The following KAT6B variants were observed in gnomAD, a reference collection of about 807,000 sequenced individuals.
The protein encoded by KAT6B is lysine acetyltransferase 6B.
KAT6B carries 10 observed loss-of-function variants against 187.5 expected under a neutral mutation model. The observed-to-expected ratio is 0.05, with a 90% CI of 0.03 to 0.09. The LOEUF (loss-of-function observed/expected upper bound fraction) is 0.09, where lower values mean the gene tolerates loss of function less well. Among genes scored for constraint, KAT6B ranks in the 10% least tolerant of loss-of-function variants. The pLI, the probability that KAT6B is intolerant of heterozygous loss-of-function variation, is 1.00. For synonymous variants in KAT6B, 861 were observed against 926.8 expected (o/e 0.93, Z 1.29); for missense variants, 1,952 against 2,558.9 (o/e 0.76, Z 5.12).
chr10:74,949,560 C>T (rs1167054197), intron 3 of KAT6B, among the ~76,000 whole-genome samples: 1 of 152,208 alleles, frequency 6.6e-6, no homozygotes, highest in Non-Finnish European at 1.5e-5. Context: ...TTATAAATGG[C>T]ACACCTGCCT....
intron 1 of KAT6B, chr10:74,827,209 GA>G (rs1840333260): frequency 6.5e-6 from 1 of 152,974 alleles, no homozygotes; most frequent in Non-Finnish European, 1.5e-5. Context: ...TGCAGAGGGA[GA>G]GTTAGGGAGG....
At chr10:74,995,556 G>T (rs1843371454) in intron 13 of KAT6B, among the ~76,000 whole-genome samples, 1 of 152,104 alleles carries the variant, frequency 6.6e-6, no homozygotes, top group South Asian at 2.1e-4. Flanking sequence ...AGATAGATGT[G>T]CATTTTTCTA....
At chr10:74,983,295 T>C (rs2133813199) in intron 11 of KAT6B, 1 of 153,038 alleles carries the variant, frequency 6.5e-6, no homozygotes, top group Middle Eastern at 3.3e-3. Context: ...CCCCTTCCAG[T>C]TGTGCCAACC....
chr10:74,831,646 A>T (rs1337903052), intron 1 of KAT6B, among the ~76,000 whole-genome samples: 1 of 152,166 alleles, frequency 6.6e-6, no homozygotes, highest in East Asian at 1.9e-4. Flanking sequence ...GTTCAGCCAG[A>T]TTAGATTTTA....
chr10:74,847,043 T>A (rs1842158995), intron 3 of KAT6B, among the ~76,000 whole-genome samples: 1 of 152,212 alleles, frequency 6.6e-6, no homozygotes, highest in Non-Finnish European at 1.5e-5. Flanking sequence ...CTTGCCAACC[T>A]TATCATATTT....
intron 3 of KAT6B, among the ~76,000 whole-genome samples, chr10:74,954,142 C>G (rs1840508725): frequency 6.6e-6 from 1 of 152,152 alleles, no homozygotes; most frequent in Admixed American, 6.5e-5. Context: ...CTGTTGTGTC[C>G]TCAGCATCCT....
chr10:74,937,137 A>C (rs965954298), intron 3 of KAT6B, among the ~76,000 whole-genome samples: 1 of 152,228 alleles, frequency 6.6e-6, no homozygotes. Flanking sequence ...GCAGTGAGTT[A>C]AAGTGCCCCT....
Position 74,961,290 on chromosome 10 carries a change from G to A in KAT6B, c.730+1212G>A, listed in dbSNP as rs143630423. On this transcript the variant is annotated intron_variant, in intron 4 of 17. Transcript: ENST00000287239. Reference sequence around the variant, plus strand: ...CTCACTCATCAGTTCTGACTCTGTCGTTATCTTTTGGGTTTTCTCACGAGG... The same window carrying A: ...CTCACTCATCAGTTCTGACTCTGTCATTATCTTTTGGGTTTTCTCACGAGG... 3.0e-3 allele frequency among the ~76,000 whole-genome samples: 450 copies of A among 152,202 alleles called. 3 individuals carry two copies. Among genetic ancestry groups the A allele is most frequent in the African/African-American group, 0.01 (430 of 41,528 alleles).
At chr10:75,014,501 G>A (rs117601408) in intron 13 of KAT6B, among the ~76,000 whole-genome samples, 140 of 152,006 alleles carry the variant, frequency 9.2e-4, no homozygotes, top group Non-Finnish European at 1.6e-3. Flanking sequence ...TGGGTTTATC[G>A]TTATCTTTTA....
intron 13 of KAT6B, among the ~76,000 whole-genome samples, chr10:74,999,910 C>CA (rs1843710432): frequency 1.3e-5 from 2 of 152,360 alleles, no homozygotes; most frequent in African/African-American, 4.8e-5. Context: ...CGTAGCGTCT[C>CA]ACGCCTGTAA....
intron 1 of KAT6B, among the ~76,000 whole-genome samples, chr10:74,835,900 G>A (rs1347778258): frequency 6.6e-6 from 1 of 152,130 alleles, no homozygotes; most frequent in African/African-American, 2.4e-5. Context: ...TACATTCAGT[G>A]TTGTGTCACC....
intron 13 of KAT6B, among the ~76,000 whole-genome samples, chr10:74,997,161 A>G (rs1843491252): frequency 1.3e-5 from 2 of 152,026 alleles, no homozygotes; most frequent in Admixed American, 6.6e-5. Flanking sequence ...CAGGAGTTCA[A>G]CACCAGCCTG....
At chr10:75,025,443 A>C in intron 17 of KAT6B, 194 bp downstream of exon 17, 1 of 580,102 alleles carries the variant, frequency 1.7e-6, no homozygotes, top group Non-Finnish European at 3.0e-6. Flanking sequence ...TTTTATGTTA[A>C]ACAACTTCTA....
At chr10:74,933,838 A>G (rs1289137409) in intron 3 of KAT6B, among the ~76,000 whole-genome samples, 2 of 152,136 alleles carry the variant, frequency 1.3e-5, no homozygotes, top group East Asian at 3.8e-4. Context: ...CCTAAGTACT[A>G]ATAAAAATTT....
At chr10:75,019,923 AGGAGCAAT>A (rs1845263912) in intron 13 of KAT6B, among the ~76,000 whole-genome samples, 1 of 152,182 alleles carries the variant, frequency 6.6e-6, no homozygotes, top group African/African-American at 2.4e-5. Flanking sequence ...CTTAATTTGT[AGGAGCAAT>A]ATTCTGGGAT....
intron 13 of KAT6B, among the ~76,000 whole-genome samples, chr10:75,009,380 G>A (rs1346672329): frequency 1.3e-5 from 2 of 152,146 alleles, no homozygotes; most frequent in Non-Finnish European, 2.9e-5. Flanking sequence ...GCACTCAACT[G>A]TTGGACATAG....
At chr10:74,988,901 C>A in intron 12 of KAT6B, 118 bp from the exon 13 acceptor site, 78 of 742,210 alleles carry the variant, frequency 1.1e-4, no homozygotes, top group Non-Finnish European at 1.1e-4. Context: ...TCTGCTTGAT[C>A]CTGACCTAAC....
chr10:75,007,079 A>G (rs559579979), intron 13 of KAT6B, among the ~76,000 whole-genome samples: 151 of 152,002 alleles, frequency 9.9e-4, no homozygotes, highest in African/African-American at 3.4e-3. Context: ...AAAAAAAAAA[A>G]AAAAGAAAAG....
chr10:75,015,659 C>T (rs745473324), intron 13 of KAT6B, among the ~76,000 whole-genome samples: 4 of 152,182 alleles, frequency 2.6e-5, no homozygotes, highest in Non-Finnish European at 5.9e-5. Flanking sequence ...TCCCTGGCCT[C>T]GTGTCTGTTC....
Sources: allele counts gnomAD v4.1 joint callset (sites outside exome capture counted in the v4.1 genomes callset), GRCh38; gene constraint gnomAD v4.1.1; transcripts MANE v1.5; gene names NCBI Gene and HGNC (gene_info 2026-07-23, HGNC 2026-07-21).